R3HDM1: variants seen among roughly 807,000 people sequenced by gnomAD.
R3HDM1 encodes R3H domain containing 1.
R3HDM1 carries 46 observed loss-of-function variants against 141.1 expected under a neutral mutation model. The observed-to-expected ratio is 0.33, with a 90% CI of 0.26 to 0.42. The LOEUF is 0.42. R3HDM1 is among the 10% of genes least tolerant of loss of function. R3HDM1 has a pLI of 1.00. For synonymous variants in R3HDM1, 435 were observed against 472.9 expected (o/e 0.92, Z 1.04); for missense variants, 1,184 against 1,368.3 (o/e 0.87, Z 2.12).
In R3HDM1 at chr2:135,719,851, T is replaced by C. The variant is rs115552155; in HGVS notation, c.2882-2073T>C. 2.2e-3 allele frequency among the ~76,000 whole-genome samples: 342 copies of C among 152,174 alleles called. 4 individuals carry two copies. Among genetic ancestry groups the C allele is most frequent in the African/African-American group, 8.0e-3 (332 of 41,530 alleles). On this transcript the variant is annotated intron_variant, in intron 24 of 26. Transcript: ENST00000683871. ...CTTTACAACTATTTTCTTTTCTTTT[T>C]TTTTTTTGTTTCGAGACGGAGTCTC...
intron 1 of R3HDM1, among the ~76,000 whole-genome samples, chr2:135,559,469 T>C (rs1416284023): frequency 6.6e-6 from 1 of 152,172 alleles, no homozygotes; most frequent in African/African-American, 2.4e-5. Context: ...TTTTGTCCCC[T>C]GAGATATTTT....
chr2:135,642,250 A>AT (rs2063871859), intron 15 of R3HDM1, among the ~76,000 whole-genome samples: 1 of 152,052 alleles, frequency 6.6e-6, no homozygotes, highest in South Asian at 2.1e-4. Context: ...GAATGTGTTG[A>AT]TTTTCTACTG....
chr2:135,706,902 C>T (rs1269778855), intron 21 of R3HDM1, among the ~76,000 whole-genome samples: 5 of 152,164 alleles, frequency 3.3e-5, no homozygotes, highest in Non-Finnish European at 5.9e-5. Flanking sequence ...GTACACCTCC[C>T]AGACGGGGTG....
intron 3 of R3HDM1, among the ~76,000 whole-genome samples, chr2:135,615,289 G>C (rs889688306): frequency 6.6e-6 from 1 of 151,872 alleles, no homozygotes; most frequent in Non-Finnish European, 1.5e-5. Flanking sequence ...GGATATTAAG[G>C]ATTTTGTATC....
intron 1 of R3HDM1, chr2:135,531,841 CG>C: frequency 1.0e-6 from 1 of 985,364 alleles, no homozygotes; most frequent in African/African-American, 1.7e-5. Context: ...GCCGTTAGGT[CG>C]GGTTCCGAGT....
chr2:135,560,407 A>G (rs1701582397), intron 1 of R3HDM1, among the ~76,000 whole-genome samples: 1 of 152,114 alleles, frequency 6.6e-6, no homozygotes. Context: ...ACGGCCTCCC[A>G]GGTTCAAGTG....
chr2:135,606,242 T>C (rs1039421546), intron 3 of R3HDM1: 4 of 152,200 alleles, frequency 2.6e-5, no homozygotes, highest in Non-Finnish European at 4.4e-5. Context: ...TCCAAAGTAG[T>C]CAGACTTCTT....
intron 1 of R3HDM1, among the ~76,000 whole-genome samples, chr2:135,596,186 C>T (rs973649601): frequency 7.2e-5 from 11 of 151,978 alleles, no homozygotes; most frequent in African/African-American, 2.7e-4. Context: ...TTAGTAGAGA[C>T]AGGGTTTCAC....
intron 24 of R3HDM1, 48 bp downstream of exon 24, chr2:135,715,742 C>T: frequency 1.9e-6 from 3 of 1,557,936 alleles, no homozygotes; most frequent in Non-Finnish European, 2.6e-6. Flanking sequence ...TTAAGACATC[C>T]ATTCCCAGTC....
chr2:135,661,454 G>A, intron 19 of R3HDM1, 61 bp downstream of exon 19: 4 of 1,570,316 alleles, frequency 2.5e-6, no homozygotes, highest in East Asian at 2.2e-5. Context: ...TTCTATTTCA[G>A]TGTTGCTCTT....
At chr2:135,708,818 G>A (rs925146608) in intron 21 of R3HDM1, among the ~76,000 whole-genome samples, 1 of 151,996 alleles carries the variant, frequency 6.6e-6, no homozygotes, top group African/African-American at 2.4e-5. Flanking sequence ...AAGTAGCCGG[G>A]TGTGGTGGCA....
intron 1 of R3HDM1, chr2:135,583,652 C>G: frequency 1.2e-6 from 1 of 821,520 alleles, no homozygotes; most frequent in Non-Finnish European, 1.5e-6. Flanking sequence ...AAATTGTTAC[C>G]CTAAGATGGC....
At chr2:135,636,204 G>A in intron 11 of R3HDM1, 21 bp downstream of exon 11, 1 of 1,606,698 alleles carries the variant, frequency 6.2e-7, no homozygotes, top group Non-Finnish European at 8.5e-7. Context: ...ACTTACTTAG[G>A]TCTTCATGTT....
At chr2:135,721,436 TG>T (rs2076685873) in intron 24 of R3HDM1, 1 of 156,636 alleles carries the variant, frequency 6.4e-6, no homozygotes, top group Non-Finnish European at 1.4e-5. Context: ...ATTGCACCAC[TG>T]CACTCCAGCC....
intron 3 of R3HDM1, 43 bp downstream of exon 3, chr2:135,605,059 G>A: frequency 7.1e-7 from 1 of 1,399,642 alleles, no homozygotes; most frequent in Non-Finnish European, 9.9e-7. Flanking sequence ...TAAATATTCA[G>A]TATATATTTA....
chr2:135,535,955 AT>A (rs1210399516), intron 1 of R3HDM1, among the ~76,000 whole-genome samples: 3 of 152,032 alleles, frequency 2.0e-5, no homozygotes, highest in Non-Finnish European at 4.4e-5. Context: ...CATCTTACCC[AT>A]TCTTAGTCTC....
chr2:135,643,446 A>G (rs1041006534), intron 15 of R3HDM1, among the ~76,000 whole-genome samples: 1 of 151,658 alleles, frequency 6.6e-6, no homozygotes, highest in Non-Finnish European at 1.5e-5. Context: ...GGGATTTACT[A>G]TGGAAGAACA....
intron 18 of R3HDM1, among the ~76,000 whole-genome samples, chr2:135,653,902 C>A (rs144869972): frequency 6.6e-6 from 1 of 152,024 alleles, no homozygotes; most frequent in African/African-American, 2.4e-5. Context: ...AATATTTTAG[C>A]GTTATGTGGT....
rs1559465797 is a variant in R3HDM1 at position 135,699,032 on chromosome 2, T to TTAGATA, written c.2460-10401_2460-10400insTAGATA. On this transcript the variant is annotated intron_variant, in intron 21 of 26. Coordinates refer to ENST00000683871, the MANE Select transcript of R3HDM1 (RefSeq NM_001378107.1). ...ATAGATAGATAGATAGATAGATAGATAGATAGATAGATAAGATAGATAAGA... is the reference window on the plus strand; with the variant it reads ...ATAGATAGATAGATAGATAGATAGATTAGATAAGATAGATAGATAAGATAGATAAGA... Among the ~76,000 whole-genome samples the TTAGATA allele has an allele frequency of 5.0e-4, 48 of 95,408 alleles. 1 individual carries two copies. Among genetic ancestry groups the TTAGATA allele is most frequent in the African/African-American group, 1.8e-3 (48 of 27,138 alleles). The allele number at this position is 95,408 out of a possible 152,430, so 62.6% of individuals were successfully genotyped here.
Sources: gnomAD v4.1 joint callset for allele counts (sites outside exome capture counted in the v4.1 genomes callset) on GRCh38, gnomAD v4.1.1 for gene constraint, MANE v1.5 for transcripts, NCBI Gene and HGNC (gene_info 2026-07-23, HGNC 2026-07-21) for gene names.